The following CORO7 variants were observed in gnomAD, a reference collection of about 807,000 sequenced individuals.
CORO7 encodes the protein coronin-7.
Under a neutral mutation model 126.6 loss-of-function variants are expected in CORO7, and 107 were observed. The observed-to-expected ratio is 0.85, with a 90% confidence interval of 0.72 to 0.99. The LOEUF is 0.99. Ranked by LOEUF, CORO7 falls within the 50% of genes least tolerant of loss-of-function variation. The pLI, the probability that CORO7 is intolerant of heterozygous loss-of-function variation, is 0.00. For missense variants in CORO7, 1,314 were observed against 1,255.8 expected (o/e 1.05, Z -0.70); for synonymous variants, 603 against 536.8 (o/e 1.12, Z -1.70).
rs1264549160 is a variant in CORO7 at position 4,405,582 on chromosome 16, TCA to T, written c.488-17_488-16del. 6.2e-7 allele frequency: 1 copy of T among 1,611,418 alleles called. No homozygotes were observed. The highest frequency in any genetic ancestry group is 8.5e-7 in the Non-Finnish European group (1 of 1,179,386). ...GGCTGCCAGCTCTGCAGAGAAGCAG[TCA>T]CAGTCAGGTCCCGGGCAGTGAGGGC... On this transcript the variant is annotated splice_polypyrimidine_tract_variant and intron_variant, in intron 5 of 27. Transcript: ENST00000251166.
chr16:4,394,674 C>T (rs2141281905), intron 7 of CORO7, among the ~76,000 whole-genome samples: 1 of 152,350 alleles, frequency 6.6e-6, no homozygotes, highest in Non-Finnish European at 1.5e-5. Context: ...ACCTGCCTAG[C>T]ACAGGCAATG....
At position 4,362,794 on chromosome 16, in the gene CORO7, G is replaced by C. The variant is rs2054225153; in HGVS notation, c.1276-56C>G. On this transcript the variant is annotated intron_variant, in intron 14 of 27. Transcript: ENST00000251166. This position sits in a 1 kb window ranked among gnomAD's most constrained non-coding sequence, Gnocchi z 5.3. ...CTCCTAGGTGTACTGGCCAAAAGGA[G>C]GGGGTGCCAGCGGACTCCAGGGTCA... is the stretch of plus-strand genomic sequence containing the variant. 12 of 1,286,108 alleles carry C rather than the reference G, an allele frequency of 9.3e-6. No homozygotes were observed. The highest frequency in any genetic ancestry group is 1.1e-5 in the Non-Finnish European group (11 of 1,013,698). The allele number at this position is 1,286,108 out of a possible 1,614,324, so 79.7% of individuals were successfully genotyped here. A position where few individuals can be genotyped will look rare whatever the true frequency, so the allele number is the denominator to read the frequency against.
intron 9 of CORO7, among the ~76,000 whole-genome samples, chr16:4,387,508 C>T (rs926322883): frequency 6.6e-6 from 1 of 151,854 alleles, no homozygotes; most frequent in Non-Finnish European, 1.5e-5. Flanking sequence ...CCTCAGTGGG[C>T]CGCATAAGCC....
chr16:4,366,519 T>C (rs1304137986), intron 9 of CORO7, among the ~76,000 whole-genome samples: 1 of 151,260 alleles, frequency 6.6e-6, no homozygotes, highest in Non-Finnish European at 1.5e-5. Context: ...CCTGTGTTTC[T>C]TGCTCCTGAT....
chr16:4,359,680 G>T, intron 21 of CORO7, 59 bp from the exon 22 acceptor site: 1 of 1,534,450 alleles, frequency 6.5e-7, no homozygotes, highest in Non-Finnish European at 8.8e-7. Flanking sequence ...CCTGGGGCAG[G>T]GAGAAGGCGC....
intron 1 of CORO7, among the ~76,000 whole-genome samples, chr16:4,413,829 C>T (rs1368028430): frequency 6.6e-6 from 1 of 151,780 alleles, no homozygotes; most frequent in Non-Finnish European, 1.5e-5. Flanking sequence ...TGAGCCTCCG[C>T]CCCCAGCCGT....
intron 21 of CORO7, 36 bp from the exon 22 acceptor site, chr16:4,359,657 A>C: frequency 1.3e-6 from 2 of 1,562,276 alleles, no homozygotes; most frequent in Non-Finnish European, 1.7e-6. Flanking sequence ...CAGGTGTTTC[A>C]GAGCTGAAGG....
At chr16:4,382,033 G>T in intron 9 of CORO7, 1 of 1,596,374 alleles carries the variant, frequency 6.3e-7, no homozygotes, top group Non-Finnish European at 8.5e-7. Flanking sequence ...CACAGAGCCG[G>T]CCACTGAGGC....
chr16:4,416,130 G>A (rs551288413), intron 1 of CORO7, among the ~76,000 whole-genome samples: 4 of 152,208 alleles, frequency 2.6e-5, no homozygotes, highest in Admixed American at 6.5e-5. Flanking sequence ...GAGGCCGACC[G>A]GAAGCTGGGA....
rs1245815461 is a variant in CORO7 at position 4,365,538 on chromosome 16, C to A, written c.793G>T (p.Val265Leu). ...CCAGAGTCAGGGTCCAGCAGAGGCA[C>A]GAGACACCTGGGGAAGAGAGGGCAA... Reference protein sequence around the residue: ...LTLDTSLGCLVPLLDPDSGLL... With the variant: ...LTLDTSLGCLLPLLDPDSGLL... Residue 265 changes from valine (V) to leucine (L), a missense_variant, in exon 10 of 28, where the codon GTG becomes TTG. Physicochemically the swap from Val to Leu is conservative, Grantham distance 32 (BLOSUM62 1). Transcript: ENST00000251166. The A allele has an allele frequency of 6.3e-7, 1 of 1,581,390 alleles. No individual in the cohort carries two copies. Among genetic ancestry groups the A allele is most frequent in the African/African-American group, 1.3e-5 (1 of 74,206 alleles).
chr16:4,361,874 G>A (rs1567248624), intron 16 of CORO7, 111 bp downstream of exon 16: 3 of 1,490,516 alleles, frequency 2.0e-6, no homozygotes, highest in African/African-American at 2.8e-5. Flanking sequence ...AGGCGGGCAG[G>A]AGCCTGACAC....
chr16:4,357,867 G>C, intron 25 of CORO7, 101 bp downstream of exon 25: 6 of 1,514,850 alleles, frequency 4.0e-6, no homozygotes, highest in Non-Finnish European at 5.3e-6. Context: ...AAAGGCCAGA[G>C]GATTCTGCGT....
chr16:4,360,901 C>T (rs1272592704), intron 19 of CORO7, 42 bp downstream of exon 19: 13 of 1,579,274 alleles, frequency 8.2e-6, no homozygotes, highest in African/African-American at 1.4e-5. Context: ...CTGCTGGCCC[C>T]GCCTCTCCAC....
At chr16:4,416,355 G>C in intron 1 of CORO7, 104 bp downstream of exon 1, 2 of 1,362,794 alleles carry the variant, frequency 1.5e-6, no homozygotes. Flanking sequence ...GAGGTCTCGG[G>C]GTTCCAGACG....
chr16:4,392,237 C>G (rs2055418176), intron 7 of CORO7, among the ~76,000 whole-genome samples: 1 of 152,140 alleles, frequency 6.6e-6, no homozygotes, highest in South Asian at 2.1e-4. Flanking sequence ...CCAGCCCCAG[C>G]TGGGCCGGTT....
In CORO7 at chr16:4,395,349, C is replaced by A. The variant is rs754005547; in HGVS notation, c.565-10G>T. The A allele has an allele frequency of 1.9e-5, 31 of 1,613,918 alleles. No individual in the cohort carries two copies. The highest frequency in any genetic ancestry group is 2.5e-5 in the Non-Finnish European group (29 of 1,180,022). On this transcript the variant is annotated splice_polypyrimidine_tract_variant and intron_variant, in intron 6 of 27. Coordinates refer to ENST00000251166, the MANE Select transcript of CORO7 (RefSeq NM_024535.5). ...TCCGCAGCTGCTTGTCCTGGAAAAG[C>A]AGAGAGGAGGAAACAACTTGCGATT...
chr16:4,377,662 C>A (rs1043705967), intron 9 of CORO7, among the ~76,000 whole-genome samples: 6 of 152,212 alleles, frequency 3.9e-5, no homozygotes, highest in Non-Finnish European at 8.8e-5. Context: ...CCTCTCGGGG[C>A]TGGCTGATGG....
intron 9 of CORO7, among the ~76,000 whole-genome samples, chr16:4,375,399 C>T (rs1448029563): frequency 6.6e-6 from 1 of 152,260 alleles, no homozygotes; most frequent in Non-Finnish European, 1.5e-5. Flanking sequence ...CTTTGCAACC[C>T]TCTGTCCTGG....
chr16:4,355,952 T>A (rs1326091646), intron 26 of CORO7, among the ~76,000 whole-genome samples: 1 of 151,884 alleles, frequency 6.6e-6, no homozygotes, highest in Non-Finnish European at 1.5e-5. Context: ...TAATTTTTAT[T>A]TTATTTATTT....
Sources: gnomAD v4.1 joint callset for allele counts (sites outside exome capture counted in the v4.1 genomes callset) on GRCh38, gnomAD v4.1.1 for gene constraint, Gnocchi (gnomAD v3.1) non-coding constraint, MANE v1.5 for transcripts, NCBI Gene and HGNC (gene_info 2026-07-23, HGNC 2026-07-21) for gene names.